Variants in PDS5B observed in about 807,000 individuals in gnomAD.
PDS5B encodes sister chromatid cohesion protein PDS5 homolog B.
PDS5B carries 51 observed loss-of-function variants against 184.1 expected under a neutral mutation model. That is an observed-to-expected ratio of 0.28 (90% CI 0.22 to 0.35). The LOEUF (loss-of-function observed/expected upper bound fraction) is 0.35, where lower values mean the gene tolerates loss of function less well. Ranked by LOEUF, PDS5B falls within the 10% of genes least tolerant of loss-of-function variation. PDS5B has a pLI of 1.00. For missense variants in PDS5B, 1,180 were observed against 1,723.3 expected, an observed-to-expected ratio of 0.68 and a Z score of 5.58; for synonymous variants, 566 against 569.2, an observed-to-expected ratio of 0.99 and a Z score of 0.08.
In PDS5B at chr13:32,680,954, T is replaced by C. The variant is rs559320328; in HGVS notation, c.1057+2025T>C. On this transcript the variant is annotated intron_variant, in intron 10 of 34. Transcript: ENST00000315596. ...GTGTAGCAGTGTGCACCAATTTGAT[T>C]TGTACATGGCTAAATAGAATTTCTC... 5.3e-5 allele frequency among the ~76,000 whole-genome samples: 8 copies of C among 152,312 alleles called. No individual in the cohort carries two copies. In the South Asian group the frequency reaches 1.5e-3, roughly 28 times the overall value.
rs1194710571 is a variant in PDS5B at position 32,776,444 on chromosome 13, G to T, written c.*1392G>T. ...TCTTTTTTTTTCTTCATTGTAATCT[G>T]CAAAATGTAGAAATAAATTACTTAA... On this transcript the variant is annotated 3_prime_UTR_variant, in exon 35 of 35. Coordinates refer to ENST00000315596, the MANE Select transcript of PDS5B (RefSeq NM_015032.4). 6.6e-6 allele frequency: 1 copy of T among 151,838 alleles called. No individual in the cohort carries two copies. Among genetic ancestry groups the T allele is most frequent in the African/African-American group, 2.4e-5 (1 of 41,328 alleles). 9.4% of individuals were successfully genotyped at this position (151,838 alleles called of 1,614,324 possible).
At chr13:32,667,591 A>T (rs1238409827) in intron 6 of PDS5B, among the ~76,000 whole-genome samples, 173 bp from the exon 7 acceptor site, 2 of 152,168 alleles carry the variant, frequency 1.3e-5, no homozygotes, top group African/African-American at 4.8e-5. Flanking sequence ...GGAATCTTAG[A>T]TCCAGTAGGC....
chr13:32,606,893 G>A (rs144633043), intron 1 of PDS5B, among the ~76,000 whole-genome samples: 5 of 152,182 alleles, frequency 3.3e-5, no homozygotes, highest in African/African-American at 7.2e-5. Flanking sequence ...CGTAGTTCTC[G>A]TGCCATGGTT....
intron 1 of PDS5B, among the ~76,000 whole-genome samples, chr13:32,613,698 T>C (rs1193789079): frequency 1.3e-5 from 2 of 152,238 alleles, no homozygotes; most frequent in African/African-American, 4.8e-5. Flanking sequence ...CTTTTTACTT[T>C]GTTGATGGTA....
chr13:32,767,193 A>G (rs1182577379), intron 31 of PDS5B, among the ~76,000 whole-genome samples: 1 of 152,164 alleles, frequency 6.6e-6, no homozygotes. Context: ...ACATAAATAA[A>G]ACTTAAGATC....
At chr13:32,750,444 C>T (rs546667942) in intron 24 of PDS5B, among the ~76,000 whole-genome samples, 18 of 152,192 alleles carry the variant, frequency 1.2e-4, no homozygotes, top group South Asian at 4.1e-4. Context: ...ATACTGAGGG[C>T]GGGGTGAGTT....
intron 30 of PDS5B, among the ~76,000 whole-genome samples, chr13:32,763,781 T>A (rs1228045237): frequency 6.6e-6 from 1 of 152,178 alleles, no homozygotes; most frequent in Non-Finnish European, 1.5e-5. Flanking sequence ...AATAACTGTT[T>A]TGGCTACATT....
intron 1 of PDS5B, among the ~76,000 whole-genome samples, chr13:32,588,681 T>TA (rs2057728396): frequency 6.6e-6 from 1 of 152,190 alleles, no homozygotes; most frequent in South Asian, 2.1e-4. Flanking sequence ...CTCCCCATAT[T>TA]AGAGAGAGAT....
chr13:32,695,576 A>T (rs982449265), intron 14 of PDS5B, among the ~76,000 whole-genome samples: 1 of 152,016 alleles, frequency 6.6e-6, no homozygotes, highest in Non-Finnish European at 1.5e-5. Context: ...GTTCTTACTT[A>T]CATGTATATA....
rs1954972309 is a variant in PDS5B at position 32,776,820 on chromosome 13, G to T, written c.*1768G>T. 1 of 152,386 alleles carries T rather than the reference G, an allele frequency of 6.6e-6. No individual in the cohort carries two copies. The highest frequency in any genetic ancestry group is 2.4e-5 in the African/African-American group (1 of 41,434). 9.4% of individuals were successfully genotyped at this position (152,386 alleles called of 1,614,324 possible). A position where few individuals can be genotyped will look rare whatever the true frequency, so the allele number is the denominator to read the frequency against. Reference sequence around the variant, plus strand: ...CTTTTAAAGATTTGTTTGTGTTTATGAAACAGCCATTTATTTTTTAAAAAG... The same window carrying T: ...CTTTTAAAGATTTGTTTGTGTTTATTAAACAGCCATTTATTTTTTAAAAAG... On this transcript the variant is annotated 3_prime_UTR_variant, in exon 35 of 35. Transcript: ENST00000315596.
chr13:32,740,062 T>G (rs1953485172), intron 21 of PDS5B, among the ~76,000 whole-genome samples: 1 of 152,192 alleles, frequency 6.6e-6, no homozygotes, highest in Admixed American at 6.5e-5. Context: ...AGTGTTATCT[T>G]TGAGTAATTC....
intron 1 of PDS5B, among the ~76,000 whole-genome samples, chr13:32,599,758 A>G (rs537534370): frequency 6.6e-5 from 10 of 152,044 alleles, no homozygotes; most frequent in South Asian, 2.1e-4. Flanking sequence ...TAAAAATACA[A>G]AAAGAAATTA....
At chr13:32,685,930 A>G (rs768895801) in intron 11 of PDS5B, among the ~76,000 whole-genome samples, 5 of 152,254 alleles carry the variant, frequency 3.3e-5, no homozygotes, top group Non-Finnish European at 7.4e-5. Flanking sequence ...ATGAGCCACC[A>G]TGACTGGCCT....
At chr13:32,680,278 G>T (rs941079617) in intron 10 of PDS5B, among the ~76,000 whole-genome samples, 9 of 152,090 alleles carry the variant, frequency 5.9e-5, no homozygotes, top group African/African-American at 2.2e-4. Flanking sequence ...TTAAGAGTGG[G>T]GGGCTGAATA....
At chr13:32,641,186 T>A (rs1386545351) in intron 1 of PDS5B, among the ~76,000 whole-genome samples, 1 of 152,210 alleles carries the variant, frequency 6.6e-6, no homozygotes, top group Admixed American at 6.5e-5. Flanking sequence ...TTGCTCTACC[T>A]TAATAGTGAA....
chr13:32,604,917 A>G (rs985240003), intron 1 of PDS5B, among the ~76,000 whole-genome samples: 23 of 152,054 alleles, frequency 1.5e-4, no homozygotes, highest in Non-Finnish European at 2.6e-4. Flanking sequence ...ATTGGTGGTG[A>G]TATCCCATTC....
At chr13:32,739,154 GGAATT>G (rs1194969646) in intron 21 of PDS5B, among the ~76,000 whole-genome samples, 2 of 151,580 alleles carry the variant, frequency 1.3e-5, no homozygotes, top group Admixed American at 1.3e-4. Context: ...CAATCCATCT[GGAATT>G]GATTTACTTT....
In PDS5B at chr13:32,738,567, T is replaced by C. The variant is rs1953423178; in HGVS notation, c.2407-2513T>C. 2.0e-5 allele frequency among the ~76,000 whole-genome samples: 3 copies of C among 152,222 alleles called. No individual in the cohort carries two copies. The South Asian group carries it at 6.2e-4, about 32-fold the overall frequency. On this transcript the variant is annotated intron_variant, in intron 21 of 34. Transcript: ENST00000315596. ...GGCAATCTGTACCTATATTAATCTT[T>C]TATCTGGTACATGTTATAGTATCAT... is the stretch of plus-strand genomic sequence containing the variant.
At chr13:32,609,456 A>G (rs908838533) in intron 1 of PDS5B, among the ~76,000 whole-genome samples, 4 of 152,002 alleles carry the variant, frequency 2.6e-5, no homozygotes, top group Non-Finnish European at 4.4e-5. Context: ...CTGCCATTCC[A>G]TGTTCCCTCT....
Sources: gnomAD v4.1 joint callset for allele counts (sites outside exome capture counted in the v4.1 genomes callset) on GRCh38, gnomAD v4.1.1 for gene constraint, MANE v1.5 for transcripts, NCBI Gene and HGNC (gene_info 2026-07-23, HGNC 2026-07-21) for gene names.